The following VAMP1 variants were observed in gnomAD, a reference collection of about 807,000 sequenced individuals.
The protein encoded by VAMP1 is vesicle-associated membrane protein 1.
In VAMP1, 16 loss-of-function variants were observed where a neutral mutation model predicts 19.1. That is an observed-to-expected ratio of 0.84 (90% confidence interval 0.57 to 1.27). The LOEUF is 1.27. Ranked by LOEUF, VAMP1 falls within the 50% of genes most tolerant of loss-of-function variation. The probability of loss-of-function intolerance (pLI) is 0.00; values close to 1 mark genes in which losing one functional copy is unlikely to be tolerated. For missense variants in VAMP1, 109 were observed against 145.4 expected (o/e 0.75, Z 1.29); for synonymous variants, 37 against 50.2 (o/e 0.74, Z 1.11).
intron 3 of VAMP1, 143 bp from the exon 4 acceptor site, chr12:6,465,084 A>T: frequency 2.5e-6 from 3 of 1,198,138 alleles, no homozygotes; most frequent in South Asian, 2.8e-5. Flanking sequence ...CAGGCCTCTT[A>T]GAGAGGCCCT....
chr12:6,467,013 TG>T (rs1268974327), intron 1 of VAMP1: 2 of 170,804 alleles, frequency 1.2e-5, no homozygotes, highest in African/African-American at 4.8e-5. Flanking sequence ...TTTCTGCTTT[TG>T]CTTCTTCCAC....
At position 6,470,538 on chromosome 12, in the gene VAMP1, G is replaced by A. The variant is rs372139880; in HGVS notation, c.-7C>T. The A allele has an allele frequency of 6.2e-7, 1 of 1,613,922 alleles. No individual in the cohort carries two copies. Among genetic ancestry groups the A allele is most frequent in the African/African-American group, 1.3e-5 (1 of 74,930 alleles). On this transcript the variant is annotated 5_prime_UTR_variant, in exon 1 of 5. Coordinates refer to ENST00000396308, the MANE Select transcript of VAMP1 (RefSeq NM_014231.5). ...CACCAGAGTCAACTCACATTTTTCTGACAGAGAGAGTGAGGGTCTGTTCCT... is the reference window on the plus strand; with the variant it reads ...CACCAGAGTCAACTCACATTTTTCTAACAGAGAGAGTGAGGGTCTGTTCCT...
chr12:6,463,414 T>G lies in VAMP1; in HGVS notation c.*1056A>C. The G allele has an allele frequency of 9.5e-7, 1 of 1,056,550 alleles. No homozygotes were observed. Among genetic ancestry groups the G allele is most frequent in the Middle Eastern group, 4.6e-4 (1 of 2,158 alleles). The allele number at this position is 1,056,550 out of a possible 1,614,324, so 65.4% of individuals were successfully genotyped here. ...AGAACCACTTGCCTCATCCCTGTCT[T>G]TGGCAAGTGCACGGGTGGTGTGGAG... On this transcript the variant is annotated 3_prime_UTR_variant, in exon 5 of 5. Coordinates refer to ENST00000396308, the MANE Select transcript of VAMP1 (RefSeq NM_014231.5). This position sits in a 1 kb window ranked among gnomAD's most constrained non-coding sequence, Gnocchi z 4.0.
intron 1 of VAMP1, among the ~76,000 whole-genome samples, chr12:6,467,396 T>C (rs2137011013): frequency 6.6e-6 from 1 of 152,232 alleles, no homozygotes; most frequent in East Asian, 1.9e-4. Context: ...CAGGCTGAGG[T>C]GGTCTCAGAT....
At chr12:6,466,622 C>A (rs887118311) in intron 1 of VAMP1, 1 of 280,048 alleles carries the variant, frequency 3.6e-6, no homozygotes, top group Admixed American at 5.1e-5. Context: ...TGCTCCTTGG[C>A]AATCTGAAGT....
In VAMP1 at chr12:6,470,643, G is replaced by C; in HGVS notation, c.-112C>G. 3.4e-6 allele frequency: 5 copies of C among 1,455,104 alleles called. No homozygotes were observed. The highest frequency in any genetic ancestry group is 1.2e-5 in the South Asian group (1 of 85,376). 90.1% of individuals were successfully genotyped at this position (1,455,104 alleles called of 1,614,324 possible). On this transcript the variant is annotated 5_prime_UTR_variant, in exon 1 of 5. Transcript: ENST00000396308. ...GAACTGCCAAGCTCCGCCTCGCGCC[G>C]ACTACCCCGCGGTCTAGCTGCGCTG...
intron 2 of VAMP1, 75 bp from the exon 3 acceptor site, chr12:6,466,075 C>T: frequency 6.2e-7 from 1 of 1,611,810 alleles, no homozygotes. Context: ...CAGAGAATCA[C>T]AAGTCTGGCC....
intron 3 of VAMP1, among the ~76,000 whole-genome samples, chr12:6,465,629 CCT>C (rs1445435104): frequency 6.6e-6 from 1 of 151,638 alleles, no homozygotes. Context: ...TCACTTTTTC[CCT>C]GATAGCGGTT....
In VAMP1 at chr12:6,463,164, AGAG is replaced by A. The variant is rs1949925398; in HGVS notation, c.*1303_*1305del. On this transcript the variant is annotated 3_prime_UTR_variant, in exon 5 of 5. Coordinates refer to ENST00000396308, the MANE Select transcript of VAMP1 (RefSeq NM_014231.5). This position sits in a 1 kb window ranked among gnomAD's most constrained non-coding sequence, Gnocchi z 4.0. Reference sequence around the variant, plus strand: ...CTGTCTATACACACAAACCATGCAAAGAGGAGGAAGAGAAAGGAGGCAAAGTAG... The same window carrying A: ...CTGTCTATACACACAAACCATGCAAAGAGGAAGAGAAAGGAGGCAAAGTAG... 1.4e-6 allele frequency: 2 copies of A among 1,443,908 alleles called. No homozygotes were observed. Among genetic ancestry groups the A allele is most frequent in the East Asian group, 2.5e-5 (1 of 40,038 alleles). The allele number at this position is 1,443,908 out of a possible 1,614,324, so 89.4% of individuals were successfully genotyped here.
chr12:6,465,779 G>A, intron 3 of VAMP1, 63 bp downstream of exon 3: 7 of 1,590,876 alleles, frequency 4.4e-6, no homozygotes, highest in Non-Finnish European at 5.1e-6. Context: ...GAAGCTGAGG[G>A]TTTTCTTGCC....
rs774269433 is a variant in VAMP1 at position 6,466,243 on chromosome 12, G to C, written c.111C>G (p.Thr37=). Residue 37 remains threonine (T), a synonymous_variant, in exon 2 of 5, where the codon ACC becomes ACG. Transcript: ENST00000396308. ...TACCTACCTCCTCCACTTGTGCCTG[G>C]GTTTGCTGTAGTCGTCTGTTACTGG... The part of the protein sequence containing the change: ...NMTSNRRLQQ[T]QAQVEEVVDI... 3 of 1,614,070 alleles carry C rather than the reference G, an allele frequency of 1.9e-6. No individual in the cohort carries two copies. Among genetic ancestry groups the C allele is most frequent in the Non-Finnish European group, 2.5e-6 (3 of 1,180,048 alleles).
At chr12:6,465,262 T>C (rs1221905640) in intron 3 of VAMP1, 1 of 443,388 alleles carries the variant, frequency 2.3e-6, no homozygotes, top group African/African-American at 2.0e-5. Flanking sequence ...TAGTTCAATT[T>C]TCACTGTGAA....
intron 1 of VAMP1, chr12:6,466,587 G>T: frequency 2.7e-6 from 1 of 376,018 alleles, no homozygotes; most frequent in South Asian, 3.6e-5. Flanking sequence ...TTATGATTAG[G>T]CTATACAAAA....
At chr12:6,465,175 T>G in intron 3 of VAMP1, 1 of 552,728 alleles carries the variant, frequency 1.8e-6, no homozygotes, top group Middle Eastern at 2.9e-4. Context: ...ATTGAGCTCC[T>G]TTTTGCTTAG....
intron 1 of VAMP1, among the ~76,000 whole-genome samples, chr12:6,469,395 C>G (rs898779492): frequency 1.3e-5 from 2 of 152,222 alleles, no homozygotes; most frequent in African/African-American, 2.4e-5. Flanking sequence ...CACGTAGATA[C>G]TATCTGGAAG....
chr12:6,463,827 C>A lies in VAMP1; in HGVS notation c.*643G>T. On this transcript the variant is annotated 3_prime_UTR_variant, in exon 5 of 5. Transcript: ENST00000396308. The surrounding 1 kb of genome is among the most constrained non-coding windows in gnomAD (Gnocchi z 4.0). ...CACAATCCCTAAGTGTTCTCCAGGCCTCTGGAGAACAAAGTAAAGTTGTAA... is the reference window on the plus strand; with the variant it reads ...CACAATCCCTAAGTGTTCTCCAGGCATCTGGAGAACAAAGTAAAGTTGTAA... 8.2e-7 allele frequency: 1 copy of A among 1,224,900 alleles called. No homozygotes were observed. The highest frequency in any genetic ancestry group is 1.4e-5 in the South Asian group (1 of 69,126). 75.9% of individuals were successfully genotyped at this position (1,224,900 alleles called of 1,614,324 possible). A position where few individuals can be genotyped will look rare whatever the true frequency, so the allele number is the denominator to read the frequency against.
At position 6,462,685 on chromosome 12, in the gene VAMP1, A is replaced by G. The variant is rs1369382652; in HGVS notation, c.*1785T>C. The G allele has an allele frequency of 2.3e-6, 2 of 875,256 alleles. No individual in the cohort carries two copies. Among genetic ancestry groups the G allele is most frequent in the East Asian group, 5.4e-5 (2 of 37,260 alleles). The allele number at this position is 875,256 out of a possible 1,614,324, so 54.2% of individuals were successfully genotyped here. ...AGGGCTGGGAGAGCCAAGAGGACGGATTCGCTCCAGGCTTGGGACACATCG... is the reference window on the plus strand; with the variant it reads ...AGGGCTGGGAGAGCCAAGAGGACGGGTTCGCTCCAGGCTTGGGACACATCG... On this transcript the variant is annotated 3_prime_UTR_variant, in exon 5 of 5. Coordinates refer to ENST00000396308, the MANE Select transcript of VAMP1 (RefSeq NM_014231.5).
In VAMP1 at chr12:6,463,807, T is replaced by A; in HGVS notation, c.*663A>T. The A allele has an allele frequency of 8.4e-7, 1 of 1,194,780 alleles. No individual in the cohort carries two copies. The highest frequency in any genetic ancestry group is 1.1e-6 in the Non-Finnish European group (1 of 945,578). The allele number at this position is 1,194,780 out of a possible 1,614,324, so 74.0% of individuals were successfully genotyped here. Reference sequence around the variant, plus strand: ...GAAACAAGTCCTGCTATTTTCACAATCCCTAAGTGTTCTCCAGGCCTCTGG... The same window carrying A: ...GAAACAAGTCCTGCTATTTTCACAAACCCTAAGTGTTCTCCAGGCCTCTGG... On this transcript the variant is annotated 3_prime_UTR_variant, in exon 5 of 5. Coordinates refer to ENST00000396308, the MANE Select transcript of VAMP1 (RefSeq NM_014231.5). This position sits in a 1 kb window ranked among gnomAD's most constrained non-coding sequence, Gnocchi z 4.0.
At position 6,462,305 on chromosome 12, in the gene VAMP1, C is replaced by A; in HGVS notation, c.*2165G>T. The A allele has an allele frequency of 1.7e-6, 1 of 605,654 alleles. No homozygotes were observed. Among genetic ancestry groups the A allele is most frequent in the South Asian group, 2.1e-5 (1 of 48,214 alleles). 37.5% of individuals were successfully genotyped at this position (605,654 alleles called of 1,614,324 possible). On this transcript the variant is annotated 3_prime_UTR_variant, in exon 5 of 5. Coordinates refer to ENST00000396308, the MANE Select transcript of VAMP1 (RefSeq NM_014231.5). ...ATGACATTGGTAAATATGCCACATGCCTTTGGTGGAAGTACAACTGTTGTT... is the reference window on the plus strand; with the variant it reads ...ATGACATTGGTAAATATGCCACATGACTTTGGTGGAAGTACAACTGTTGTT...
Sources: gnomAD v4.1 joint callset for allele counts (sites outside exome capture counted in the v4.1 genomes callset) on GRCh38, gnomAD v4.1.1 for gene constraint, Gnocchi (gnomAD v3.1) non-coding constraint, MANE v1.5 for transcripts, NCBI Gene and HGNC (gene_info 2026-07-23, HGNC 2026-07-21) for gene names.